The following LARP1 variants were observed in gnomAD, a reference collection of about 807,000 sequenced individuals.
LARP1 encodes la-related protein 1.
A neutral mutation model predicts 122.7 loss-of-function variants in LARP1; 36 were observed. That is an observed-to-expected ratio of 0.29 (90% CI 0.22 to 0.39). LARP1 has a LOEUF of 0.39. Ranked by LOEUF, LARP1 falls within the 10% of genes least tolerant of loss-of-function variation. The probability of loss-of-function intolerance (pLI) is 1.00; values close to 1 mark genes in which losing one functional copy is unlikely to be tolerated. For synonymous variants in LARP1, 539 were observed against 528.7 expected, an observed-to-expected ratio of 1.02 and a Z score of -0.27; for missense variants, 1,040 against 1,403.6, an observed-to-expected ratio of 0.74 and a Z score of 4.14.
upstream of LARP1, among the ~76,000 whole-genome samples, chr5:154,753,609 C>T (rs1006976557): frequency 6.6e-6 from 1 of 152,196 alleles, no homozygotes; most frequent in Non-Finnish European, 1.5e-5. Context: ...TACACAGCAC[C>T]TTGACTAACA....
chr5:154,750,653 G>T (rs866286511), upstream of LARP1, among the ~76,000 whole-genome samples: 1 of 152,068 alleles, frequency 6.6e-6, no homozygotes, highest in Non-Finnish European at 1.5e-5. Flanking sequence ...TGTTGCCCAG[G>T]CTAGGGTGCA....
upstream of LARP1, among the ~76,000 whole-genome samples, chr5:154,710,764 A>G (rs1755181376): frequency 7.3e-6 from 1 of 137,794 alleles, no homozygotes; most frequent in Admixed American, 7.3e-5. Flanking sequence ...AAAAAAAAAA[A>G]TCATACTGAA....
intron 1 of LARP1, among the ~76,000 whole-genome samples, chr5:154,726,855 A>G (rs1381083370): frequency 6.6e-6 from 1 of 152,252 alleles, no homozygotes; most frequent in African/African-American, 2.4e-5. Flanking sequence ...ACAGGGCAGC[A>G]GGAGAGAGAA....
At chr5:154,752,731 G>A (rs1423213021), upstream of LARP1, among the ~76,000 whole-genome samples, 2 of 151,834 alleles carry the variant, frequency 1.3e-5, no homozygotes, top group Non-Finnish European at 2.9e-5. Context: ...CTGAGGTCAG[G>A]AGTTTGAGAC....
intron 1 of LARP1, among the ~76,000 whole-genome samples, chr5:154,702,415 G>A (rs376356557): frequency 7.9e-5 from 12 of 151,876 alleles, no homozygotes; most frequent in African/African-American, 2.9e-4. Flanking sequence ...AATTTCCCGG[G>A]CGTGGTGGTG....
chr5:154,814,043 G>A lies in LARP1; in HGVS notation c.3238G>A (p.Glu1080Lys), dbSNP rs1759499938. Reference sequence around the variant, plus strand: ...ACCACCCACCGGCCAGCCTGTCCGGGAAGATGCCAAATGGACAAGCCAGCA... The same window carrying A: ...ACCACCCACCGGCCAGCCTGTCCGGAAAGATGCCAAATGGACAAGCCAGCA... The part of the protein sequence containing the change: ...PTPPTGQPVR[E>K]DAKWTSQHSN... Residue 1080 changes from glutamate (E) to lysine (K), a missense_variant, in exon 19 of 19, where the codon GAA (glutamate) becomes AAA (lysine). Glu to Lys is a moderately conservative substitution (Grantham distance 56, BLOSUM62 1). Around this residue, in one of 8 missense-constraint regions of LARP1, gnomAD observed 129 missense variants for 160.8 expected, o/e 0.80. Transcript: ENST00000518297. The A allele has an allele frequency of 6.2e-7, 1 of 1,614,108 alleles. No homozygotes were observed.
At chr5:154,771,503 T>A (rs116183898) in intron 1 of LARP1, among the ~76,000 whole-genome samples, 186 of 152,314 alleles carry the variant, frequency 1.2e-3, no homozygotes, top group African/African-American at 4.0e-3. Flanking sequence ...GCAGACTGAC[T>A]CCAGAGTTCA....
chr5:154,789,718 A>G (rs1757190524), intron 1 of LARP1, among the ~76,000 whole-genome samples: 1 of 152,178 alleles, frequency 6.6e-6, no homozygotes, highest in Admixed American at 6.5e-5. Flanking sequence ...AATTTGTATC[A>G]TTAGGATAAA....
chr5:154,788,476 T>C (rs925182444), intron 1 of LARP1, among the ~76,000 whole-genome samples: 2 of 152,176 alleles, frequency 1.3e-5, no homozygotes, highest in Non-Finnish European at 2.9e-5. Flanking sequence ...AACATGGGTC[T>C]GATCAAGGAG....
intron 1 of LARP1, chr5:154,786,407 A>T (rs770724348): frequency 6.6e-6 from 3 of 453,702 alleles, no homozygotes; most frequent in Non-Finnish European, 1.3e-5. Flanking sequence ...TGGAACTAGA[A>T]TTACCAGAAT....
chr5:154,794,220 G>T lies in LARP1; in HGVS notation c.1190G>T (p.Ser397Ile). The T allele has an allele frequency of 6.2e-7, 1 of 1,614,198 alleles. No homozygotes were observed. Among genetic ancestry groups the T allele is most frequent in the Non-Finnish European group, 8.5e-7 (1 of 1,180,044 alleles). Residue 397 changes from serine to isoleucine, a missense_variant, in exon 7 of 19, where the codon AGT (serine) becomes ATT (isoleucine). Transcript: ENST00000518297. ...FDNVSSTELYSVDQELLKDYI... is the reference protein window; with the variant it reads ...FDNVSSTELYIVDQELLKDYI... ...AATGTCAGCAGCACCGAGCTTTACAGTGTGGATCAGGAACTGCTCAAAGAC... is the reference window on the plus strand; with the variant it reads ...AATGTCAGCAGCACCGAGCTTTACATTGTGGATCAGGAACTGCTCAAAGAC...
chr5:154,780,407 A>G (rs1756327114), intron 1 of LARP1, among the ~76,000 whole-genome samples: 1 of 152,196 alleles, frequency 6.6e-6, no homozygotes, highest in African/African-American at 2.4e-5. Context: ...TTTGGGGAAC[A>G]GTTCCTGTGA....
At chr5:154,791,771 TC>T (rs1757373012) in intron 3 of LARP1, among the ~76,000 whole-genome samples, 1 of 152,300 alleles carries the variant, frequency 6.6e-6, no homozygotes, top group South Asian at 2.1e-4. Flanking sequence ...AGGTTTCACA[TC>T]CTGCTAATAC....
intron 1 of LARP1, chr5:154,718,752 G>C (rs1421404830): frequency 6.6e-6 from 1 of 152,266 alleles, no homozygotes; most frequent in Non-Finnish European, 1.5e-5. Flanking sequence ...CAGTCAACAA[G>C]TAGAGTGTTG....
chr5:154,746,320 T>C (rs1475752254), intron 1 of LARP1, among the ~76,000 whole-genome samples: 1 of 152,244 alleles, frequency 6.6e-6, no homozygotes, highest in South Asian at 2.1e-4. Context: ...ACGGTTCTTT[T>C]GGCCAGTCTC....
rs1283933690 is a variant in LARP1, at chr5:154,814,913, A to T, written c.*817A>T. On this transcript the variant is annotated 3_prime_UTR_variant, in exon 19 of 19. Transcript: ENST00000518297. Reference sequence around the variant, plus strand: ...CCATAAAAGACCAAAAAAAAAAAAAAAATCAGAAAACCCCCACCTAATCCA... The same window carrying T: ...CCATAAAAGACCAAAAAAAAAAAAATAATCAGAAAACCCCCACCTAATCCA... The T allele has an allele frequency of 6.6e-6, 1 of 152,472 alleles. No homozygotes were observed. The highest frequency in any genetic ancestry group is 1.5e-5 in the Non-Finnish European group (1 of 68,008). 9.4% of individuals were successfully genotyped at this position (152,472 alleles called of 1,614,324 possible). A position where few individuals can be genotyped will look rare whatever the true frequency, so the allele number is the denominator to read the frequency against.
intron 1 of LARP1, among the ~76,000 whole-genome samples, chr5:154,701,165 G>A (rs1038793494): frequency 1.3e-5 from 2 of 151,936 alleles, no homozygotes; most frequent in African/African-American, 4.8e-5. Flanking sequence ...TCTTAATTTA[G>A]TGCCAATGGC....
chr5:154,812,519 C>A (rs1169337527), intron 18 of LARP1, among the ~76,000 whole-genome samples: 1 of 37,904 alleles, frequency 2.6e-5, no homozygotes, highest in African/African-American at 1.1e-4. Flanking sequence ...CCCCCCCCCA[C>A]CCCCCCTTTT....
At chr5:154,764,263 T>G (rs2113615331) in intron 1 of LARP1, among the ~76,000 whole-genome samples, 1 of 148,642 alleles carries the variant, frequency 6.7e-6, no homozygotes, top group South Asian at 2.1e-4. Flanking sequence ...TGAGCTGAGA[T>G]TGCACCATTG....
Sources: allele counts gnomAD v4.1 joint callset (sites outside exome capture counted in the v4.1 genomes callset), GRCh38; gene constraint gnomAD v4.1.1; regional missense constraint gnomAD v4.1.1; transcripts MANE v1.5; gene names NCBI Gene and HGNC (gene_info 2026-07-23, HGNC 2026-07-21).